MAN1C1: variants seen among roughly 807,000 people sequenced by gnomAD.
MAN1C1 encodes the protein mannosyl-oligosaccharide 1,2-alpha-mannosidase IC.
A neutral mutation model predicts 71.5 loss-of-function variants in MAN1C1; 49 were observed. The observed-to-expected ratio is 0.69, with a 90% CI of 0.54 to 0.87. The LOEUF is 0.87. Among genes scored for constraint, MAN1C1 ranks in the 40% least tolerant of loss-of-function variants. MAN1C1 has a pLI of 0.00. For missense variants in MAN1C1, 743 were observed against 835.0 expected (o/e 0.89, Z 1.36); for synonymous variants, 352 against 343.7 (o/e 1.02, Z -0.27).
rs757838115 is a variant in MAN1C1, at chr1:25,753,562, G to A, written c.913G>A (p.Val305Met). 37 of 1,613,506 alleles carry A rather than the reference G, an allele frequency of 2.3e-5. No homozygotes were observed. The highest frequency in any genetic ancestry group is 9.3e-5 in the African/African-American group (7 of 74,916). Reference protein sequence around the residue: ...FNTPTGIPKGVVSFKSGNWGW... With the variant: ...FNTPTGIPKGMVSFKSGNWGW... ...CACCCCCACGGGAATCCCAAAGGGC[G>A]TGGTGAGCTTCAAAAGGTAGGGCGC... is the stretch of plus-strand genomic sequence containing the variant. Residue 305 changes from valine to methionine, a missense_variant, in exon 5 of 12, where the codon GTG becomes ATG. Physicochemically the swap from Val to Met is conservative, Grantham distance 21. Transcript: ENST00000374332. This position sits in a 1 kb window ranked among gnomAD's most constrained non-coding sequence, Gnocchi z 4.9.
At chr1:25,745,250 G>A (rs1439308976) in intron 2 of MAN1C1, among the ~76,000 whole-genome samples, 3 of 152,112 alleles carry the variant, frequency 2.0e-5, no homozygotes, top group East Asian at 1.9e-4. Flanking sequence ...GCCAGGCCTC[G>A]TAGCTGGTTC....
rs2047404910 is a variant in MAN1C1, at chr1:25,764,657, A to T, written c.1141+690A>T. ...GGTCTCGAACTCCTGACCTCAAATG[A>T]TCCAACCGCCTCGGCCTCCCAAAGT... On this transcript the variant is annotated intron_variant, in intron 7 of 11. Coordinates refer to ENST00000374332, the MANE Select transcript of MAN1C1 (RefSeq NM_020379.4). The surrounding 1 kb of genome is among the most constrained non-coding windows in gnomAD (Gnocchi z 4.4). Among the ~76,000 whole-genome samples the T allele has an allele frequency of 6.6e-6, 1 of 151,704 alleles. No individual in the cohort carries two copies. The highest frequency in any genetic ancestry group is 1.5e-5 in the Non-Finnish European group (1 of 67,924).
chr1:25,664,754 C>T (rs565012943), intron 1 of MAN1C1, among the ~76,000 whole-genome samples: 85 of 152,228 alleles, frequency 5.6e-4, no homozygotes, highest in Middle Eastern at 3.4e-3. Flanking sequence ...AAGCATTGTT[C>T]GATTAAAAGA....
intron 7 of MAN1C1, among the ~76,000 whole-genome samples, chr1:25,771,093 A>G (rs1216287653): frequency 6.6e-6 from 1 of 152,182 alleles, no homozygotes; most frequent in African/African-American, 2.4e-5. Context: ...CCACCAGGGC[A>G]GAGAGGGGGT....
intron 3 of MAN1C1, among the ~76,000 whole-genome samples, chr1:25,749,048 T>C (rs2047176371): frequency 6.6e-6 from 1 of 152,196 alleles, no homozygotes; most frequent in Non-Finnish European, 1.5e-5. Flanking sequence ...AGCCCAGCAT[T>C]TATTTGGAAT....
At chr1:25,694,144 C>T (rs1040022192) in intron 2 of MAN1C1, among the ~76,000 whole-genome samples, 2 of 152,164 alleles carry the variant, frequency 1.3e-5, no homozygotes, top group African/African-American at 4.8e-5. Context: ...CTGGGTTTGG[C>T]TGGGTAAGGG....
intron 1 of MAN1C1, among the ~76,000 whole-genome samples, chr1:25,625,546 TG>T (rs1489542828): frequency 2.0e-5 from 3 of 152,194 alleles, no homozygotes; most frequent in Non-Finnish European, 4.4e-5. Context: ...CCAGGTACAA[TG>T]GCTCATGCTT....
chr1:25,620,044 GC>G (rs1261198645), intron 1 of MAN1C1, among the ~76,000 whole-genome samples: 1 of 152,228 alleles, frequency 6.6e-6, no homozygotes, highest in Non-Finnish European at 1.5e-5. Flanking sequence ...AATGCCAGGG[GC>G]TGGAGAGTCA....
At chr1:25,699,380 C>T (rs749095997) in intron 2 of MAN1C1, among the ~76,000 whole-genome samples, 9 of 151,850 alleles carry the variant, frequency 5.9e-5, no homozygotes, top group Admixed American at 2.0e-4. Context: ...GGGCAAAGTC[C>T]TAGATGGGAG....
intron 2 of MAN1C1, among the ~76,000 whole-genome samples, chr1:25,715,145 T>C (rs1478336764): frequency 2.0e-5 from 3 of 152,168 alleles, no homozygotes; most frequent in African/African-American, 7.2e-5. Context: ...CTGCCCAACC[T>C]GTGTCTGGTG....
intron 5 of MAN1C1, among the ~76,000 whole-genome samples, chr1:25,754,602 G>A (rs1383819684): frequency 6.6e-6 from 1 of 152,038 alleles, no homozygotes; most frequent in African/African-American, 2.4e-5. Context: ...CCTCAGAGCT[G>A]GACTCCTGGA....
intron 1 of MAN1C1, among the ~76,000 whole-genome samples, chr1:25,669,869 TTACTACC>T (rs1480404915): frequency 6.6e-6 from 1 of 152,238 alleles, no homozygotes; most frequent in Non-Finnish European, 1.5e-5. Flanking sequence ...ACAAGGCCCT[TTACTACC>T]CATGAATGTT....
chr1:25,732,009 C>G (rs960370511), intron 2 of MAN1C1, among the ~76,000 whole-genome samples: 4 of 152,122 alleles, frequency 2.6e-5, no homozygotes, highest in African/African-American at 9.7e-5. Context: ...AGAAAAAGAC[C>G]AACTCAGACC....
At chr1:25,622,263 C>A (rs557496990) in intron 1 of MAN1C1, among the ~76,000 whole-genome samples, 1 of 152,278 alleles carries the variant, frequency 6.6e-6, no homozygotes, top group South Asian at 2.1e-4. Flanking sequence ...GTTCCATCAA[C>A]TCTGATTGGA....
rs1483108650 is a variant in MAN1C1, at chr1:25,781,092, T to G, written c.1630T>G (p.Trp544Gly). 6.2e-7 allele frequency: 1 copy of G among 1,613,588 alleles called. No homozygotes were observed. Among genetic ancestry groups the G allele is most frequent in the African/African-American group, 1.3e-5 (1 of 74,870 alleles). ...GACCCACAACCCCATCTACAGGGAG[T>G]GGGGCTGGGAGGTGGTGCTGGTGAG... The part of the protein sequence containing the change: ...RQTHNPIYRE[W>G]GWEVVLALEK... Residue 544 changes from tryptophan (W) to glycine (G), a missense_variant, in exon 10 of 12, where the codon TGG becomes GGG. By Grantham distance (184) the Trp-to-Gly change is radical. Coordinates refer to ENST00000374332, the MANE Select transcript of MAN1C1 (RefSeq NM_020379.4).
intron 2 of MAN1C1, among the ~76,000 whole-genome samples, chr1:25,713,526 C>G (rs2046640642): frequency 6.6e-6 from 1 of 152,182 alleles, no homozygotes; most frequent in African/African-American, 2.4e-5. Context: ...CGACAGTGCA[C>G]AATCTAGGCA....
At chr1:25,701,684 T>C (rs1194671790) in intron 2 of MAN1C1, among the ~76,000 whole-genome samples, 3 of 152,242 alleles carry the variant, frequency 2.0e-5, no homozygotes, top group South Asian at 4.1e-4. Flanking sequence ...GTGTGTGCCA[T>C]TGATTCAAAG....
chr1:25,726,087 G>GC (rs2046827442), intron 2 of MAN1C1, among the ~76,000 whole-genome samples: 1 of 152,230 alleles, frequency 6.6e-6, no homozygotes, highest in African/African-American at 2.4e-5. Context: ...TCCGACTGTA[G>GC]CCCCTCTCCT....
intron 1 of MAN1C1, among the ~76,000 whole-genome samples, chr1:25,657,114 C>T (rs140342117): frequency 3.9e-5 from 6 of 152,274 alleles, no homozygotes; most frequent in South Asian, 2.1e-4. Flanking sequence ...CGTGAGCCAC[C>T]GCGCCCAGCC....
Sources: allele counts gnomAD v4.1 joint callset (sites outside exome capture counted in the v4.1 genomes callset), GRCh38; gene constraint gnomAD v4.1.1; non-coding constraint Gnocchi (gnomAD v3.1); transcripts MANE v1.5; gene names NCBI Gene and HGNC (gene_info 2026-07-23, HGNC 2026-07-21).